The following VTI1A variants were observed in gnomAD, a reference collection of about 807,000 sequenced individuals.
VTI1A encodes vesicle transport through interaction with t-SNAREs 1A.
Under a neutral mutation model 34.9 loss-of-function variants are expected in VTI1A, and 22 were observed. The observed-to-expected ratio is 0.63, with a 90% confidence interval of 0.45 to 0.90. The LOEUF (loss-of-function observed/expected upper bound fraction) is 0.90. VTI1A is among the 40% of genes least tolerant of loss of function. The pLI is 0.00. For missense variants in VTI1A, 268 were observed against 275.6 expected, an observed-to-expected ratio of 0.97 and a Z score of 0.20; for synonymous variants, 87 against 97.3, an observed-to-expected ratio of 0.89 and a Z score of 0.62.
chr10:112,812,080 A>T lies in VTI1A; in HGVS notation c.561-3210A>T, dbSNP rs189227677. Among the ~76,000 whole-genome samples, 693 of 152,324 alleles carry T rather than the reference A, an allele frequency of 4.5e-3. 5 individuals carry two copies. The Middle Eastern group carries it at 0.058, about 13-fold the overall frequency. On this transcript the variant is annotated intron_variant, in intron 7 of 7. Transcript: ENST00000393077. ...AGAATCCTTGATGTTTCGGGCCCAC[A>T]TTCCTTTTATTTTGGCTCTGCATTC...
intron 5 of VTI1A, among the ~76,000 whole-genome samples, chr10:112,561,122 A>G (rs1328464586): frequency 6.6e-6 from 1 of 152,238 alleles, no homozygotes; most frequent in African/African-American, 2.4e-5. Flanking sequence ...CAAAGTTATA[A>G]TTAAGAAAAG....
intron 3 of VTI1A, among the ~76,000 whole-genome samples, chr10:112,494,234 C>T (rs549954749): frequency 4.6e-5 from 7 of 151,930 alleles, no homozygotes; most frequent in Non-Finnish European, 8.8e-5. Context: ...ACAATAAATT[C>T]TTCATAATAT....
At chr10:112,843,848 G>C in the VTI1A span, among the ~76,000 whole-genome samples, 6 of 151,872 alleles carry the variant, frequency 4.0e-5, no homozygotes, top group Non-Finnish European at 5.9e-5. Flanking sequence ...AGCTCCTCCA[G>C]GCCTACCACG....
chr10:112,622,521 A>G (rs1028139183), intron 5 of VTI1A, among the ~76,000 whole-genome samples: 1 of 152,096 alleles, frequency 6.6e-6, no homozygotes, highest in Admixed American at 6.5e-5. Flanking sequence ...AAAGAGTCAC[A>G]TACGTATTTC....
At chr10:112,694,669 C>T (rs997716905) in intron 7 of VTI1A, among the ~76,000 whole-genome samples, 3 of 151,924 alleles carry the variant, frequency 2.0e-5, no homozygotes, top group Non-Finnish European at 4.4e-5. Flanking sequence ...GAGTTGGTCT[C>T]AGAAAGCATA....
intron 3 of VTI1A, among the ~76,000 whole-genome samples, chr10:112,466,681 GCT>G (rs1847905520): frequency 6.6e-6 from 1 of 152,160 alleles, no homozygotes; most frequent in Non-Finnish European, 1.5e-5. Context: ...GTTTTAGCTT[GCT>G]TACCTCATTT....
intron 3 of VTI1A, among the ~76,000 whole-genome samples, chr10:112,487,700 A>G (rs548748710): frequency 2.8e-4 from 43 of 152,270 alleles, no homozygotes; most frequent in Admixed American, 7.8e-4. Context: ...CCTTCTGTAT[A>G]TAACTCAAAA....
intron 7 of VTI1A, among the ~76,000 whole-genome samples, chr10:112,716,350 G>A (rs1343996200): frequency 6.6e-6 from 1 of 152,174 alleles, no homozygotes; most frequent in East Asian, 1.9e-4. Context: ...GTTGAGACAT[G>A]GCAGGCCTTA....
the VTI1A span, among the ~76,000 whole-genome samples, chr10:112,841,286 A>G: frequency 1.3e-5 from 2 of 152,212 alleles, no homozygotes; most frequent in Admixed American, 6.5e-5. Flanking sequence ...GTGACATTCT[A>G]TCACAAGGTG....
chr10:112,490,446 A>G lies in VTI1A; in HGVS notation c.264+25789A>G, dbSNP rs541222572. On this transcript the variant is annotated intron_variant, in intron 3 of 7. Coordinates refer to ENST00000393077, the MANE Select transcript of VTI1A (RefSeq NM_145206.4). The stretch of plus-strand genomic sequence containing the variant: ...TTTACTAAAGAGTTTTTCAGCCCTC[A>G]TAAATACTGTTTTACAGATTCAGCT... Among the ~76,000 whole-genome samples, 3 of 152,292 alleles carry G rather than the reference A, an allele frequency of 2.0e-5. No homozygotes were observed. The South Asian group carries it at 6.2e-4, about 32-fold the overall frequency.
At chr10:112,738,948 C>A (rs766090455) in intron 7 of VTI1A, among the ~76,000 whole-genome samples, 6 of 152,186 alleles carry the variant, frequency 3.9e-5, no homozygotes, top group Non-Finnish European at 7.3e-5. Flanking sequence ...CGTTCCACGG[C>A]CTGAACTCGC....
the VTI1A span, among the ~76,000 whole-genome samples, chr10:112,828,608 T>C: frequency 6.6e-6 from 1 of 151,910 alleles, no homozygotes; most frequent in African/African-American, 2.4e-5. Flanking sequence ...GGTTTCACCG[T>C]GTTAGCCAGG....
At chr10:112,465,144 A>G (rs1264533777) in intron 3 of VTI1A, among the ~76,000 whole-genome samples, 1 of 152,234 alleles carries the variant, frequency 6.6e-6, no homozygotes, top group Non-Finnish European at 1.5e-5. Context: ...AAAAGATAAA[A>G]GAAACCACTT....
intron 7 of VTI1A, among the ~76,000 whole-genome samples, chr10:112,693,407 C>T (rs1379609971): frequency 6.6e-6 from 1 of 151,814 alleles, no homozygotes; most frequent in Non-Finnish European, 1.5e-5. Context: ...ATTAGCCAGG[C>T]GTGGTGGTGG....
chr10:112,501,822 A>T (rs932430502), intron 3 of VTI1A, among the ~76,000 whole-genome samples: 7 of 152,122 alleles, frequency 4.6e-5, no homozygotes, highest in African/African-American at 1.2e-4. Flanking sequence ...CTTAAAAGGG[A>T]TAATGCATGA....
intron 5 of VTI1A, among the ~76,000 whole-genome samples, chr10:112,557,901 C>A (rs1851590748): frequency 6.6e-6 from 1 of 152,142 alleles, no homozygotes; most frequent in Non-Finnish European, 1.5e-5. Flanking sequence ...TTTATTTACA[C>A]CTCAACTCTT....
intron 3 of VTI1A, among the ~76,000 whole-genome samples, chr10:112,487,714 A>G (rs760779887): frequency 6.6e-6 from 1 of 152,092 alleles, no homozygotes; most frequent in Non-Finnish European, 1.5e-5. Flanking sequence ...CTCAAAAATC[A>G]TTACTCCAAC....
chr10:112,545,950 G>T (rs1342507231), intron 5 of VTI1A, among the ~76,000 whole-genome samples: 2 of 148,932 alleles, frequency 1.3e-5, no homozygotes, highest in African/African-American at 4.9e-5. Context: ...GCATGTATAT[G>T]TGTGTGTGTA....
At chr10:112,717,544 A>C (rs1849653626) in intron 7 of VTI1A, among the ~76,000 whole-genome samples, 1 of 152,094 alleles carries the variant, frequency 6.6e-6, no homozygotes, top group African/African-American at 2.4e-5. Flanking sequence ...TTCTGTCATT[A>C]GTCAAAAGGC....
Sources: allele counts gnomAD v4.1 joint callset (sites outside exome capture counted in the v4.1 genomes callset), GRCh38; gene constraint gnomAD v4.1.1; transcripts MANE v1.5; gene names NCBI Gene and HGNC (gene_info 2026-07-23, HGNC 2026-07-21).